MAGI3: variants seen among roughly 807,000 people sequenced by gnomAD.
MAGI3 encodes the protein membrane-associated guanylate kinase, WW and PDZ domain-containing protein 3.
In MAGI3, 43 loss-of-function variants were observed where a neutral mutation model predicts 121.8. The ratio of observed to expected loss-of-function variants is 0.35; its 90% CI spans 0.28 to 0.46. The LOEUF is 0.46. Among genes scored for constraint, MAGI3 ranks in the 20% least tolerant of loss-of-function variants. MAGI3 has a pLI of 1.00. For missense variants in MAGI3, 1,547 were observed against 1,797.3 expected, an observed-to-expected ratio of 0.86 and a Z score of 2.52; for synonymous variants, 553 against 639.3, an observed-to-expected ratio of 0.86 and a Z score of 2.04.
At chr1:113,599,104 A>G (rs985038530) in intron 6 of MAGI3, among the ~76,000 whole-genome samples, 12 of 152,198 alleles carry the variant, frequency 7.9e-5, no homozygotes, top group African/African-American at 2.2e-4. Context: ...ACCCATGCCC[A>G]CAAGAGAAAG....
intron 1 of MAGI3, among the ~76,000 whole-genome samples, chr1:113,530,216 A>G (rs1231528501): frequency 6.6e-6 from 1 of 152,088 alleles, no homozygotes; most frequent in Non-Finnish European, 1.5e-5. Flanking sequence ...TCTTTAAATA[A>G]CAGTTTTAAA....
chr1:113,676,618 C>T (rs879402082), intron 19 of MAGI3, among the ~76,000 whole-genome samples: 11 of 152,090 alleles, frequency 7.2e-5, no homozygotes, highest in East Asian at 3.9e-4. Context: ...TGATACAGCT[C>T]ATGAGGGCTT....
intron 4 of MAGI3, among the ~76,000 whole-genome samples, chr1:113,585,891 A>C (rs1276239241): frequency 3.9e-5 from 6 of 152,120 alleles, no homozygotes; most frequent in Non-Finnish European, 5.9e-5. Context: ...GCAATGTGGG[A>C]GTCTTGTTGG....
intron 1 of MAGI3, among the ~76,000 whole-genome samples, chr1:113,484,888 C>G (rs1656304786): frequency 6.6e-6 from 1 of 151,352 alleles, no homozygotes; most frequent in Non-Finnish European, 1.5e-5. Context: ...CCACGCCCAG[C>G]TAATTTTTTT....
At chr1:113,400,242 A>G (rs886313865) in intron 1 of MAGI3, among the ~76,000 whole-genome samples, 45 of 152,268 alleles carry the variant, frequency 3.0e-4, no homozygotes, top group South Asian at 6.2e-4. Flanking sequence ...ATAACATTTC[A>G]TACTATTTTT....
At chr1:113,587,195 A>G (rs200040308) in intron 4 of MAGI3, among the ~76,000 whole-genome samples, 6 of 150,874 alleles carry the variant, frequency 4.0e-5, no homozygotes, top group Non-Finnish European at 7.4e-5. Flanking sequence ...TTTTTTGTTT[A>G]TTTGTTTGTT....
intron 1 of MAGI3, among the ~76,000 whole-genome samples, chr1:113,415,502 G>A (rs1652252734): frequency 6.6e-6 from 1 of 151,974 alleles, no homozygotes; most frequent in Non-Finnish European, 1.5e-5. Context: ...TGTGATGGCT[G>A]TGATCTTCCT....
Position 113,422,258 on chromosome 1 carries a change from A to G in MAGI3, c.316+30909A>G, listed in dbSNP as rs1210380328. 6.6e-6 allele frequency among the ~76,000 whole-genome samples: 1 copy of G among 152,232 alleles called. No individual in the cohort carries two copies. Among genetic ancestry groups the G allele is most frequent in the Non-Finnish European group, 1.5e-5 (1 of 68,030 alleles). ...TATCACAGTCAGGATATTGACATTG[A>G]TACCACCAATCTTAACAGATTTCCC... On this transcript the variant is annotated intron_variant, in intron 1 of 20. Coordinates refer to ENST00000307546, the MANE Select transcript of MAGI3 (RefSeq NM_001142782.2). This position sits in a 1 kb window ranked among gnomAD's most constrained non-coding sequence, Gnocchi z 4.3.
At chr1:113,611,652 G>T (rs942407255) in intron 6 of MAGI3, among the ~76,000 whole-genome samples, 5 of 151,698 alleles carry the variant, frequency 3.3e-5, no homozygotes, top group Admixed American at 3.3e-4. Context: ...CATCTATTTC[G>T]TCCTTTATTA....
intron 1 of MAGI3, among the ~76,000 whole-genome samples, chr1:113,414,272 C>T (rs1299378057): frequency 3.3e-5 from 5 of 152,060 alleles, no homozygotes; most frequent in African/African-American, 1.2e-4. Context: ...CTGCTGGATT[C>T]GTTTTGCCAG....
In MAGI3 at chr1:113,391,813, A is replaced by G. The variant is rs1054113666; in HGVS notation, c.316+464A>G. 2.6e-5 allele frequency among the ~76,000 whole-genome samples: 4 copies of G among 152,222 alleles called. No individual in the cohort carries two copies. The highest frequency in any genetic ancestry group is 9.6e-5 in the African/African-American group (4 of 41,456). ...CCACCTGGTGTACCTGGAAGGGCTTAGCTGCTTCAGTGTTTCTTGCACTCT... is the reference window on the plus strand; with the variant it reads ...CCACCTGGTGTACCTGGAAGGGCTTGGCTGCTTCAGTGTTTCTTGCACTCT... On this transcript the variant is annotated intron_variant, in intron 1 of 20. Coordinates refer to ENST00000307546, the MANE Select transcript of MAGI3 (RefSeq NM_001142782.2). The surrounding 1 kb of genome is among the most constrained non-coding windows in gnomAD (Gnocchi z 4.4).
Position 113,450,409 on chromosome 1 carries a change from GT to G in MAGI3, c.316+59061del, listed in dbSNP as rs1207844731. ...GATGGTGGATATAATGGATTTGGAG[GT>G]GATGGTGGCAACTATGGTGTGGTCC... On this transcript the variant is annotated intron_variant, in intron 1 of 20. Transcript: ENST00000307546. 13 of 1,122,320 alleles carry G rather than the reference GT, an allele frequency of 1.2e-5. No homozygotes were observed. In the Admixed American group the frequency reaches 2.0e-4, roughly 17 times the overall value. 69.5% of individuals were successfully genotyped at this position (1,122,320 alleles called of 1,614,324 possible).
At chr1:113,548,429 T>G (rs1418574167) in intron 1 of MAGI3, among the ~76,000 whole-genome samples, 1 of 152,238 alleles carries the variant, frequency 6.6e-6, no homozygotes, top group Non-Finnish European at 1.5e-5. Flanking sequence ...TAATAGAAAA[T>G]TTTTGACTTT....
At chr1:113,615,702 T>C (rs1294307712) in intron 7 of MAGI3, among the ~76,000 whole-genome samples, 1 of 152,186 alleles carries the variant, frequency 6.6e-6, no homozygotes, top group Non-Finnish European at 1.5e-5. Context: ...CTCAATTAGA[T>C]TGACACTTAA....
At chr1:113,450,073 A>G (rs1357842414) in intron 1 of MAGI3, 1 of 1,523,146 alleles carries the variant, frequency 6.6e-7, no homozygotes, top group African/African-American at 1.4e-5. Context: ...GACTTCTTTG[A>G]AAAGTATGGC....
At chr1:113,636,581 T>C (rs1652039795) in intron 9 of MAGI3, among the ~76,000 whole-genome samples, 1 of 152,156 alleles carries the variant, frequency 6.6e-6, no homozygotes, top group African/African-American at 2.4e-5. Flanking sequence ...GATTGCACTG[T>C]GGTCTGAGAG....
intron 2 of MAGI3, among the ~76,000 whole-genome samples, chr1:113,553,414 T>C (rs1394129699): frequency 6.6e-6 from 1 of 152,144 alleles, no homozygotes; most frequent in Non-Finnish European, 1.5e-5. Context: ...AATACTAAGC[T>C]GAGAATATGT....
At chr1:113,418,575 TGTA>T (rs1302056651) in intron 1 of MAGI3, among the ~76,000 whole-genome samples, 1 of 152,136 alleles carries the variant, frequency 6.6e-6, no homozygotes, top group Admixed American at 6.6e-5. Context: ...AATACTGCCT[TGTA>T]GTCTTCTTCT....
intron 1 of MAGI3, among the ~76,000 whole-genome samples, chr1:113,432,871 G>A (rs541431663): frequency 2.2e-4 from 33 of 152,032 alleles, no homozygotes; most frequent in African/African-American, 8.0e-4. Flanking sequence ...CCTCTTGCAC[G>A]GTTGGTATTT....
Sources: allele counts gnomAD v4.1 joint callset (sites outside exome capture counted in the v4.1 genomes callset), GRCh38; gene constraint gnomAD v4.1.1; non-coding constraint Gnocchi (gnomAD v3.1); transcripts MANE v1.5; gene names NCBI Gene and HGNC (gene_info 2026-07-23, HGNC 2026-07-21).